The following NDUFB2 variants were observed in gnomAD, a reference collection of about 807,000 sequenced individuals.
NDUFB2 encodes the protein NADH dehydrogenase [ubiquinone] 1 beta subcomplex subunit 2, mitochondrial.
NDUFB2 carries 13 observed loss-of-function variants against 13.4 expected under a neutral mutation model. That is an observed-to-expected ratio of 0.97 (90% confidence interval 0.63 to 1.54). NDUFB2 has a LOEUF of 1.54. NDUFB2 is among the 40% of genes most tolerant of loss of function. The pLI is 0.00. For synonymous variants in NDUFB2, 47 were observed against 50.6 expected (o/e 0.93, Z 0.30); for missense variants, 150 against 139.7 (o/e 1.07, Z -0.37).
At chr7:140,703,033 TGTC>T (rs1794918030) in intron 2 of NDUFB2, 23 bp downstream of exon 2, 2 of 1,608,560 alleles carry the variant, frequency 1.2e-6, no homozygotes, top group African/African-American at 1.3e-5. Context: ...GAAGAGCACT[TGTC>T]GTTTTTTGGG....
intron 1 of NDUFB2, among the ~76,000 whole-genome samples, chr7:140,701,276 CATT>C (rs1794893246): frequency 6.6e-6 from 1 of 152,168 alleles, no homozygotes; most frequent in Admixed American, 6.5e-5. Context: ...ACTGGTAAAT[CATT>C]AATAATTACA....
At chr7:140,697,521 GGAGC>G in intron 1 of NDUFB2, 2 of 435,790 alleles carry the variant, frequency 4.6e-6, no homozygotes, top group Non-Finnish European at 7.4e-6. Flanking sequence ...TGCGAGGTAG[GGAGC>G]GGGTGCGAGG....
intron 1 of NDUFB2, chr7:140,697,997 C>T: frequency 3.1e-6 from 4 of 1,288,266 alleles, no homozygotes; most frequent in African/African-American, 1.5e-5. Flanking sequence ...TGCGCTTGGT[C>T]TCACTAAAGT....
intron 1 of NDUFB2, among the ~76,000 whole-genome samples, chr7:140,699,496 G>C (rs1054053419): frequency 6.6e-6 from 1 of 152,160 alleles, no homozygotes; most frequent in South Asian, 2.1e-4. Flanking sequence ...TCTACCTGAG[G>C]ACTGGCTTCT....
intron 3 of NDUFB2, among the ~76,000 whole-genome samples, chr7:140,705,933 T>C (rs758665917): frequency 1.3e-5 from 2 of 152,132 alleles, no homozygotes; most frequent in Admixed American, 6.5e-5. Flanking sequence ...AGGGAGGTAC[T>C]AAGAAGGTTC....
intron 2 of NDUFB2, among the ~76,000 whole-genome samples, chr7:140,704,046 C>A (rs1358993132): frequency 6.6e-6 from 1 of 152,202 alleles, no homozygotes; most frequent in African/African-American, 2.4e-5. Flanking sequence ...TGAGCCACTG[C>A]GCCCGGCCAG....
At chr7:140,703,117 C>T in intron 2 of NDUFB2, 107 bp downstream of exon 2, 2 of 1,335,548 alleles carry the variant, frequency 1.5e-6, no homozygotes, top group East Asian at 2.3e-5. Flanking sequence ...CTGGACATCG[C>T]CCTTTGCCAC....
chr7:140,701,779 A>G (rs770000782), intron 1 of NDUFB2: 1 of 308,476 alleles, frequency 3.2e-6, no homozygotes, highest in Non-Finnish European at 5.9e-6. Context: ...CTAAAAAAAA[A>G]ACAAAAATTA....
chr7:140,706,060 T>TTATG lies in NDUFB2; in HGVS notation c.*30-502_*30-501insATGT, dbSNP rs1794967299. The TTATG allele has an allele frequency of 8.0e-5, 10 of 125,120 alleles. 1 individual carries two copies. In the East Asian group the frequency reaches 8.7e-4, roughly 11 times the overall value. The allele number at this position is 125,120 out of a possible 1,614,324, so 7.8% of individuals were successfully genotyped here. A position where few individuals can be genotyped will look rare whatever the true frequency, so the allele number is the denominator to read the frequency against. ...TATGTTATGTTATGTTATGTTATGT[T>TTATG]TTATGTTATGTTATGTTATGTTATG... On this transcript the variant is annotated intron_variant, in intron 3 of 3. Transcript: ENST00000247866.
At chr7:140,706,021 T>G (rs1478100413) in intron 3 of NDUFB2, 1 of 137,326 alleles carries the variant, frequency 7.3e-6, no homozygotes, top group East Asian at 1.9e-4. Context: ...TTATTTTATT[T>G]TATTTTAGTT....
In NDUFB2 at chr7:140,696,788, G is replaced by T. The variant is rs1363747107; in HGVS notation, c.44G>T (p.Gly15Val). The change falls in exon 1 of 4, where the codon GGC becomes GTC. Residue 15 changes from glycine to valine, a missense_variant. Coordinates refer to ENST00000247866, the MANE Select transcript of NDUFB2 (RefSeq NM_004546.3). Reference sequence around the variant, plus strand: ...CTGGCGTCTTTCGCTCGCGTTGGAGGCCGCCTTTTCAGAAGCGGCTGCGCA... The same window carrying T: ...CTGGCGTCTTTCGCTCGCGTTGGAGTCCGCCTTTTCAGAAGCGGCTGCGCA... ...TRLASFARVG[G>V]RLFRSGCART... is the part of the protein sequence containing the mutation. 3.7e-6 allele frequency: 6 copies of T among 1,608,504 alleles called. No individual in the cohort carries two copies. Among genetic ancestry groups the T allele is most frequent in the African/African-American group, 1.3e-5 (1 of 74,802 alleles).
Position 140,702,857 on chromosome 7 carries a change from G to T in NDUFB2, c.99-9G>T, listed in dbSNP as rs1280485090. On this transcript the variant is annotated splice_polypyrimidine_tract_variant and intron_variant, in intron 1 of 3. Coordinates refer to ENST00000247866, the MANE Select transcript of NDUFB2 (RefSeq NM_004546.3). ...AGCACGCTGTCTGCCATGTTGTTTTGTCTTGCAGTGCCGGTGGTGGTGTGC... is the reference window on the plus strand; with the variant it reads ...AGCACGCTGTCTGCCATGTTGTTTTTTCTTGCAGTGCCGGTGGTGGTGTGC... 3 of 1,613,912 alleles carry T rather than the reference G, an allele frequency of 1.9e-6. No homozygotes were observed. Among genetic ancestry groups the T allele is most frequent in the East Asian group, 2.2e-5 (1 of 44,874 alleles).
In NDUFB2 at chr7:140,696,778, C is replaced by G. The variant is rs1473416251; in HGVS notation, c.34C>G (p.Arg12Gly). 3 of 1,606,414 alleles carry G rather than the reference C, an allele frequency of 1.9e-6. No homozygotes were observed. In the South Asian group the frequency reaches 3.3e-5, roughly 18 times the overall value. ...SALTRLASFA[R>G]VGGRLFRSGC... ...TCTGACTCGGCTGGCGTCTTTCGCT[C>G]GCGTTGGAGGCCGCCTTTTCAGAAG... The change falls in exon 1 of 4, where the codon CGC (arginine) becomes GGC (glycine). Residue 12 changes from arginine (R) to glycine (G), a missense_variant. Transcript: ENST00000247866.
intron 1 of NDUFB2, among the ~76,000 whole-genome samples, chr7:140,701,344 G>C (rs188086036): frequency 1.4e-4 from 21 of 152,330 alleles, no homozygotes; most frequent in African/African-American, 5.1e-4. Context: ...AAAATGCTTA[G>C]TGTGGTATCT....
chr7:140,697,218 G>C (rs1794823347), intron 1 of NDUFB2: 4 of 654,172 alleles, frequency 6.1e-6, no homozygotes, highest in Non-Finnish European at 1.1e-5. Context: ...GGGGGGCGGC[G>C]GCGGTGAGGC....
At position 140,702,938 on chromosome 7, in the gene NDUFB2, G is replaced by C. The variant is rs1057243321; in HGVS notation, c.171G>C (p.Gln57His). Residue 57 changes from glutamine (Q) to histidine (H), a missense_variant, in exon 2 of 4, where the codon CAG (glutamine) becomes CAC (histidine). Physicochemically the swap from Gln to His is conservative, Grantham distance 24. Coordinates refer to ENST00000247866, the MANE Select transcript of NDUFB2 (RefSeq NM_004546.3). ...AGCTGACCAGATCCCAGGTGTTCCA[G>C]AGCGAGTTCTTCAGCGGACTCATGT... is the stretch of plus-strand genomic sequence containing the variant. ...FPQLTRSQVF[Q>H]SEFFSGLMWF... The C allele has an allele frequency of 6.8e-6, 11 of 1,613,978 alleles. No homozygotes were observed. The highest frequency in any genetic ancestry group is 9.3e-6 in the Non-Finnish European group (11 of 1,180,032).
intron 1 of NDUFB2, chr7:140,698,157 G>T (rs747729250): frequency 2.2e-6 from 3 of 1,352,094 alleles, no homozygotes; most frequent in Non-Finnish European, 2.9e-6. Context: ...CAGGTGTGGG[G>T]TGGGCAGAAG....
chr7:140,703,375 A>G (rs984360031), intron 2 of NDUFB2, among the ~76,000 whole-genome samples: 4 of 150,836 alleles, frequency 2.7e-5, no homozygotes, highest in African/African-American at 9.8e-5. Flanking sequence ...CCCGGGTTCA[A>G]GTGACTCTGG....
intron 1 of NDUFB2, chr7:140,698,190 C>G (rs1245585959): frequency 7.4e-7 from 1 of 1,351,992 alleles, no homozygotes; most frequent in South Asian, 1.1e-5. Context: ...GTGACTTGGG[C>G]AAAGACAGTG....
Sources: allele counts gnomAD v4.1 joint callset (sites outside exome capture counted in the v4.1 genomes callset), GRCh38; gene constraint gnomAD v4.1.1; transcripts MANE v1.5; gene names NCBI Gene and HGNC (gene_info 2026-07-23, HGNC 2026-07-21).